SEZ6L: variants seen among roughly 807,000 people sequenced by gnomAD.
SEZ6L encodes seizure 6-like protein.
SEZ6L carries 37 observed loss-of-function variants against 106.2 expected under a neutral mutation model. The observed-to-expected ratio is 0.35, with a 90% CI of 0.27 to 0.46. SEZ6L has a LOEUF of 0.46. Ranked by LOEUF, SEZ6L falls within the 20% of genes least tolerant of loss-of-function variation. SEZ6L has a pLI of 1.00. For synonymous variants in SEZ6L, 541 were observed against 570.4 expected, an observed-to-expected ratio of 0.95 and a Z score of 0.73; for missense variants, 1,172 against 1,332.8, an observed-to-expected ratio of 0.88 and a Z score of 1.88.
At chr22:26,376,161 A>C (rs1282619440) in intron 15 of SEZ6L, among the ~76,000 whole-genome samples, 1 of 152,044 alleles carries the variant, frequency 6.6e-6, no homozygotes, top group Non-Finnish European at 1.5e-5. Flanking sequence ...TTGAGCACTT[A>C]CTAGGTGCCA....
intron 1 of SEZ6L, among the ~76,000 whole-genome samples, chr22:26,248,397 C>T (rs1250116872): frequency 5.3e-5 from 8 of 152,110 alleles, no homozygotes; most frequent in African/African-American, 1.4e-4. Context: ...CTCTTTTGCT[C>T]CAGCTGGAGT....
intron 1 of SEZ6L, among the ~76,000 whole-genome samples, chr22:26,206,384 G>A (rs762847047): frequency 1.3e-5 from 2 of 152,104 alleles, no homozygotes; most frequent in Non-Finnish European, 2.9e-5. Flanking sequence ...TTAAAACATT[G>A]AATTAAGTGC....
intron 13 of SEZ6L, among the ~76,000 whole-genome samples, chr22:26,369,297 G>C: frequency 6.6e-6 from 1 of 150,724 alleles, no homozygotes; most frequent in South Asian, 2.1e-4. Context: ...CAGGTATCAA[G>C]CAGGGGCTCA....
chr22:26,284,862 TTCTC>T (rs1053665968), intron 1 of SEZ6L, among the ~76,000 whole-genome samples: 7 of 152,198 alleles, frequency 4.6e-5, no homozygotes, highest in South Asian at 2.1e-4. Flanking sequence ...TACCCCAGTT[TTCTC>T]TCTATGATCT....
chr22:26,202,015 G>A (rs759200439), intron 1 of SEZ6L, among the ~76,000 whole-genome samples: 9 of 152,076 alleles, frequency 5.9e-5, no homozygotes, highest in East Asian at 3.9e-4. Flanking sequence ...CCAGGTTCAC[G>A]CCATTCTCCT....
chr22:26,297,007 C>T lies in SEZ6L; in HGVS notation c.1089C>T (p.Pro363=), dbSNP rs763047767. ...TGGAGGGGCAGGTAATCCGAAGCCC[C>T]ACCAACACCATCTCCGTCTACTTCC... ...LLVEGQVIRS[P]TNTISVYFRT... The change falls in exon 4 of 17, where the codon CCC becomes CCT. Residue 363 remains proline, a synonymous_variant. Coordinates refer to ENST00000248933, the MANE Select transcript of SEZ6L (RefSeq NM_021115.5). The T allele has an allele frequency of 7.4e-6, 12 of 1,614,152 alleles. No individual in the cohort carries two copies. Among genetic ancestry groups the T allele is most frequent in the South Asian group, 6.6e-5 (6 of 91,060 alleles).
In SEZ6L at chr22:26,292,416, C is replaced by G. The variant is rs201233214; in HGVS notation, c.105C>G (p.Pro35=). The change falls in exon 2 of 17, where the codon CCC becomes CCG. Residue 35 remains proline (P), a synonymous_variant. Transcript: ENST00000248933. ...TTCTCCTCTTCCAAGATGCTCTTCC[C>G]GAGGGAGATGCTAGCCCTTTGGGTC... ...PAAALERDAL[P]EGDASPLGPY... The G allele has an allele frequency of 5.0e-6, 8 of 1,612,066 alleles. No homozygotes were observed. Among genetic ancestry groups the G allele is most frequent in the Middle Eastern group, 1.7e-4 (1 of 6,048 alleles).
At position 26,296,929 on chromosome 22, in the gene SEZ6L, C is replaced by T; in HGVS notation, c.1011C>T (p.Ile337=). 1 of 1,612,942 alleles carries T rather than the reference C, an allele frequency of 6.2e-7. No homozygotes were observed. The highest frequency in any genetic ancestry group is 8.5e-7 in the Non-Finnish European group (1 of 1,179,396). Residue 337 remains isoleucine (I), a synonymous_variant, in exon 4 of 17, where the codon ATC becomes ATT. Transcript: ENST00000248933. The part of the protein sequence containing the change: ...VNLSDGELLS[I]RGVDGPTLTV... The stretch of plus-strand genomic sequence containing the variant: ...TGTCCGATGGGGAACTGCTCTCCAT[C>T]CGCGGGGTGGACGGCCCTACCCTGA...
intron 1 of SEZ6L, among the ~76,000 whole-genome samples, chr22:26,228,342 G>A (rs1458960608): frequency 6.6e-6 from 1 of 152,180 alleles, no homozygotes; most frequent in African/African-American, 2.4e-5. Context: ...AAATGTGGTC[G>A]GGCGAGGTTA....
At chr22:26,255,910 A>G (rs1249133144) in intron 1 of SEZ6L, among the ~76,000 whole-genome samples, 3 of 152,168 alleles carry the variant, frequency 2.0e-5, no homozygotes, top group African/African-American at 4.8e-5. Context: ...ATCATTGTAA[A>G]CTTACAGCTG....
intron 5 of SEZ6L, among the ~76,000 whole-genome samples, chr22:26,299,963 T>C (rs960558541): frequency 5.3e-5 from 8 of 152,232 alleles, no homozygotes; most frequent in Admixed American, 2.0e-4. Flanking sequence ...AGTACCAGTG[T>C]CTCCACATCC....
intron 1 of SEZ6L, among the ~76,000 whole-genome samples, chr22:26,257,118 G>A (rs534239195): frequency 6.6e-6 from 1 of 152,140 alleles, no homozygotes; most frequent in Non-Finnish European, 1.5e-5. Context: ...GGCATCTAGA[G>A]GGTAGAGATT....
chr22:26,344,516 T>G (rs2082945716), intron 10 of SEZ6L, among the ~76,000 whole-genome samples: 1 of 152,188 alleles, frequency 6.6e-6, no homozygotes, highest in South Asian at 2.1e-4. Context: ...TTCCTCTTGA[T>G]TCAAACAAAT....
At chr22:26,361,616 T>C (rs2083638158) in intron 12 of SEZ6L, among the ~76,000 whole-genome samples, 1 of 152,042 alleles carries the variant, frequency 6.6e-6, no homozygotes, top group African/African-American at 2.4e-5. Flanking sequence ...TCAGTGTATA[T>C]TGGGTGCTCA....
At chr22:26,304,419 A>AGAAG (rs2145909842) in intron 5 of SEZ6L, among the ~76,000 whole-genome samples, 1 of 150,274 alleles carries the variant, frequency 6.7e-6, no homozygotes, top group South Asian at 2.1e-4. Flanking sequence ...AAAGAAAGAA[A>AGAAG]GAAAGAAAGA....
chr22:26,180,661 AG>A (rs1939331037), intron 1 of SEZ6L, among the ~76,000 whole-genome samples: 1 of 152,220 alleles, frequency 6.6e-6, no homozygotes, highest in Non-Finnish European at 1.5e-5. Context: ...TGGTGTATTT[AG>A]ACATTTAAAA....
intron 5 of SEZ6L, among the ~76,000 whole-genome samples, chr22:26,303,860 G>C (rs991807616): frequency 6.6e-6 from 1 of 152,124 alleles, no homozygotes; most frequent in Non-Finnish European, 1.5e-5. Context: ...GGAACCAAGC[G>C]TCCTGTGCTT....
At chr22:26,324,066 A>ACT (rs777623059) in intron 9 of SEZ6L, among the ~76,000 whole-genome samples, 3 of 36,172 alleles carry the variant, frequency 8.3e-5, no homozygotes, top group Non-Finnish European at 2.3e-4. Flanking sequence ...GTTTTTAACC[A>ACT]CACACACACA....
At chr22:26,327,419 A>ACT (rs2082347765) in intron 9 of SEZ6L, among the ~76,000 whole-genome samples, 1 of 114,650 alleles carries the variant, frequency 8.7e-6, no homozygotes, top group African/African-American at 2.9e-5. Context: ...CCACACACAC[A>ACT]CACGCACAAA....
Sources: allele counts gnomAD v4.1 joint callset (sites outside exome capture counted in the v4.1 genomes callset), GRCh38; gene constraint gnomAD v4.1.1; transcripts MANE v1.5; gene names NCBI Gene and HGNC (gene_info 2026-07-23, HGNC 2026-07-21).